The following NRXN1 variants were observed in gnomAD, a reference collection of about 807,000 sequenced individuals.
NRXN1 encodes neurexin-1.
A neutral mutation model predicts 150.9 loss-of-function variants in NRXN1; 39 were observed. The ratio of observed to expected loss-of-function variants is 0.26; its 90% confidence interval spans 0.20 to 0.34. NRXN1 has a LOEUF of 0.34. NRXN1 is among the 10% of genes least tolerant of loss of function. NRXN1 has a pLI of 1.00. For synonymous variants in NRXN1, 924 were observed against 757.0 expected, an observed-to-expected ratio of 1.22 and a Z score of -3.62; for missense variants, 1,815 against 1,949.9, an observed-to-expected ratio of 0.93 and a Z score of 1.30.
intron 5 of NRXN1, among the ~76,000 whole-genome samples, chr2:50,722,650 G>C (rs1176538966): frequency 1.3e-5 from 2 of 152,010 alleles, no homozygotes; most frequent in Non-Finnish European, 2.9e-5. Flanking sequence ...TCTGCTTTTT[G>C]CTTTTTTATG....
chr2:50,734,746 A>C (rs1698510639), intron 5 of NRXN1, among the ~76,000 whole-genome samples: 1 of 151,804 alleles, frequency 6.6e-6, no homozygotes, highest in Admixed American at 6.6e-5. Context: ...TATACACATA[A>C]CCCCCCCAAA....
intron 5 of NRXN1, among the ~76,000 whole-genome samples, chr2:50,875,613 G>A (rs573046535): frequency 6.6e-6 from 1 of 151,810 alleles, no homozygotes; most frequent in Non-Finnish European, 1.5e-5. Context: ...GGCCTTAAAA[G>A]CTAAGCTCCT....
At chr2:50,508,492 T>C (rs1365365507) in intron 12 of NRXN1, among the ~76,000 whole-genome samples, 1 of 152,026 alleles carries the variant, frequency 6.6e-6, no homozygotes, top group African/African-American at 2.4e-5. Context: ...AGCATCCTGC[T>C]GGCAGTAAGG....
intron 17 of NRXN1, among the ~76,000 whole-genome samples, chr2:50,305,573 G>A (rs1335899994): frequency 6.6e-6 from 1 of 152,128 alleles, no homozygotes; most frequent in Non-Finnish European, 1.5e-5. Flanking sequence ...CTTAACTTGA[G>A]TCATTAACAA....
chr2:50,169,787 T>C (rs1466809441), intron 18 of NRXN1, among the ~76,000 whole-genome samples: 4 of 148,482 alleles, frequency 2.7e-5, no homozygotes, highest in African/African-American at 9.9e-5. Flanking sequence ...ATTCCTGGCA[T>C]AGGGGATAGC....
At chr2:50,641,009 A>G (rs1483322471) in intron 5 of NRXN1, among the ~76,000 whole-genome samples, 1 of 152,176 alleles carries the variant, frequency 6.6e-6, no homozygotes, top group Non-Finnish European at 1.5e-5. Context: ...AGAAAAGTAG[A>G]CACTCCATCC....
intron 5 of NRXN1, among the ~76,000 whole-genome samples, chr2:50,722,972 T>C (rs1696873251): frequency 6.6e-6 from 1 of 152,144 alleles, no homozygotes; most frequent in African/African-American, 2.4e-5. Context: ...CTTGGGATGC[T>C]GAGCTAGAGT....
At chr2:50,497,774 G>T in intron 13 of NRXN1, 60 bp from the exon 14 acceptor site, 1 of 1,476,756 alleles carries the variant, frequency 6.8e-7, no homozygotes, top group Non-Finnish European at 9.2e-7. Flanking sequence ...TCAACTTTAG[G>T]CTTTCATAAC....
chr2:50,686,571 AAAC>A (rs1176703200), intron 5 of NRXN1, among the ~76,000 whole-genome samples: 1 of 152,224 alleles, frequency 6.6e-6, no homozygotes, highest in Non-Finnish European at 1.5e-5. Context: ...AATTTAAAGA[AAAC>A]AATCTATAAA....
intron 2 of NRXN1, among the ~76,000 whole-genome samples, chr2:50,938,164 G>T (rs937144774): frequency 6.6e-6 from 1 of 152,134 alleles, no homozygotes; most frequent in Non-Finnish European, 1.5e-5. Flanking sequence ...ACAGTAGATA[G>T]TGAGTAAATG....
In NRXN1 at chr2:50,829,604, T is replaced by C. The variant is rs976131570; in HGVS notation, c.832+92265A>G. On this transcript the variant is annotated intron_variant, in intron 5 of 22. Coordinates refer to ENST00000401669, the MANE Select transcript of NRXN1 (RefSeq NM_001330078.2). ...AGCCATCGTCTGTGCTGGAGAGCCT[T>C]GAATATTTCACTTTACTACTGGGGA... is the stretch of plus-strand genomic sequence containing the variant. The C allele has an allele frequency of 1.9e-6, 3 of 1,611,858 alleles. No individual in the cohort carries two copies. The African/African-American group carries it at 4.0e-5, about 22-fold the overall frequency.
intron 3 of NRXN1, chr2:50,923,408 AAGTT>A (rs1686380967): frequency 3.2e-6 from 1 of 313,472 alleles, no homozygotes; most frequent in African/African-American, 2.2e-5. Flanking sequence ...GCTGAACTCT[AAGTT>A]AGTGTAAAGA....
At chr2:50,380,183 A>G (rs961592775) in intron 17 of NRXN1, among the ~76,000 whole-genome samples, 3 of 151,964 alleles carry the variant, frequency 2.0e-5, no homozygotes, top group Non-Finnish European at 4.4e-5. Context: ...TAACCTTACC[A>G]TTGTGAAACT....
chr2:50,927,199 C>A (rs1399554676), intron 2 of NRXN1, among the ~76,000 whole-genome samples: 1 of 151,868 alleles, frequency 6.6e-6, no homozygotes, highest in Non-Finnish European at 1.5e-5. Context: ...TAAGAATGTA[C>A]CATTTGATTA....
chr2:50,296,564 G>T (rs985239354), intron 17 of NRXN1, among the ~76,000 whole-genome samples: 23 of 106,112 alleles, frequency 2.2e-4, no homozygotes, highest in African/African-American at 6.9e-4. Context: ...GAACTCCTGG[G>T]TTCACACAAT....
Position 49,919,028 on chromosome 2 carries a change from G to A in NRXN1, c.*2916C>T, listed in dbSNP as rs1419988337. 8 of 152,078 alleles carry A rather than the reference G, an allele frequency of 5.3e-5. No individual in the cohort carries two copies. The highest frequency in any genetic ancestry group is 1.5e-5 in the Non-Finnish European group (1 of 67,978). The allele number at this position is 152,078 out of a possible 1,614,324, so 9.4% of individuals were successfully genotyped here. ...AAGCACTAGAAGGGTAGGGTTATGT[G>A]GCCTTTCTTTGATGTCTTAGGGATT... On this transcript the variant is annotated 3_prime_UTR_variant, in exon 23 of 23. Transcript: ENST00000401669.
chr2:50,952,967 T>C (rs1329002257), intron 2 of NRXN1, among the ~76,000 whole-genome samples: 1 of 152,136 alleles, frequency 6.6e-6, no homozygotes, highest in East Asian at 1.9e-4. Context: ...CCCAGTAAAG[T>C]GGTGTACACA....
chr2:49,960,303 AC>A (rs1675708139), intron 21 of NRXN1, among the ~76,000 whole-genome samples: 1 of 152,214 alleles, frequency 6.6e-6, no homozygotes, highest in Non-Finnish European at 1.5e-5. Context: ...GCTTATAGCA[AC>A]CAGAAACCAC....
At chr2:50,832,842 T>C (rs991652847) in intron 5 of NRXN1, among the ~76,000 whole-genome samples, 5 of 152,120 alleles carry the variant, frequency 3.3e-5, no homozygotes, top group African/African-American at 1.2e-4. Context: ...GATTTAGAAA[T>C]GCTAAACATC....
Sources: gnomAD v4.1 joint callset for allele counts (sites outside exome capture counted in the v4.1 genomes callset) on GRCh38, gnomAD v4.1.1 for gene constraint, MANE v1.5 for transcripts, NCBI Gene and HGNC (gene_info 2026-07-23, HGNC 2026-07-21) for gene names.